CSTPP1: variants seen among roughly 807,000 people sequenced by gnomAD.
The protein encoded by CSTPP1 is centriolar satellite-associated tubulin polyglutamylase complex regulator 1.
the CSTPP1 span, among the ~76,000 whole-genome samples, chr11:47,129,180 G>A: frequency 6.6e-6 from 1 of 152,082 alleles, no homozygotes; most frequent in East Asian, 1.9e-4. Context: ...CGTTTCAAAG[G>A]GCCCACCCTG....
At chr11:47,137,529 T>C in the CSTPP1 span, 1 of 1,559,284 alleles carries the variant, frequency 6.4e-7, no homozygotes, top group Non-Finnish European at 8.7e-7. Context: ...CACACTGACT[T>C]GCTTTTAAAA....
At chr11:46,953,085 A>C in the CSTPP1 span, among the ~76,000 whole-genome samples, 1 of 152,152 alleles carries the variant, frequency 6.6e-6, no homozygotes. Flanking sequence ...AGATGGAGGA[A>C]GTGTTCAATG....
chr11:47,118,167 C>G, the CSTPP1 span, among the ~76,000 whole-genome samples: 2 of 151,994 alleles, frequency 1.3e-5, no homozygotes, highest in African/African-American at 4.8e-5. Flanking sequence ...TGTGAGCCAC[C>G]GCGCCTGGCC....
chr11:47,052,560 TTCC>T, the CSTPP1 span: 1 of 1,598,254 alleles, frequency 6.3e-7, no homozygotes, highest in Non-Finnish European at 8.6e-7. Context: ...CCTTCCTTCC[TTCC>T]TTTCTTCCTT....
chr11:47,163,604 C>T, the CSTPP1 span, among the ~76,000 whole-genome samples: 1 of 152,128 alleles, frequency 6.6e-6, no homozygotes, highest in African/African-American at 2.4e-5. Flanking sequence ...TTAAAGGGTC[C>T]CATTAACGTC....
chr11:47,013,031 T>A, the CSTPP1 span, among the ~76,000 whole-genome samples: 146 of 147,248 alleles, frequency 9.9e-4, 2 homozygotes, highest in African/African-American at 3.0e-3. Flanking sequence ...AATAACTATA[T>A]ATAATAATAT....
At chr11:47,122,016 A>G in the CSTPP1 span, among the ~76,000 whole-genome samples, 37 of 143,090 alleles carry the variant, frequency 2.6e-4, no homozygotes, top group Non-Finnish European at 1.2e-4. Flanking sequence ...GGGTGCAATA[A>G]GCTATGATCA....
chr11:47,012,147 C>T, the CSTPP1 span, among the ~76,000 whole-genome samples: 2 of 151,960 alleles, frequency 1.3e-5, no homozygotes, highest in South Asian at 2.1e-4. Flanking sequence ...GTGGCACACA[C>T]CTATAGTCCC....
chr11:47,016,013 AG>A, the CSTPP1 span, among the ~76,000 whole-genome samples: 1 of 152,186 alleles, frequency 6.6e-6, no homozygotes, highest in Non-Finnish European at 1.5e-5. Context: ...GCACTTTGGG[AG>A]GCTGAAGCAG....
chr11:47,094,447 G>A, the CSTPP1 span, among the ~76,000 whole-genome samples: 14 of 148,932 alleles, frequency 9.4e-5, no homozygotes, highest in African/African-American at 2.7e-4. Flanking sequence ...TTATTAAGAG[G>A]GTAGATCTCA....
At chr11:47,126,160 C>A in the CSTPP1 span, among the ~76,000 whole-genome samples, 2 of 152,072 alleles carry the variant, frequency 1.3e-5, no homozygotes, top group Non-Finnish European at 2.9e-5. Flanking sequence ...TGTCTCTTCT[C>A]TATTTTCTTA....
chr11:46,977,296 G>C, the CSTPP1 span, among the ~76,000 whole-genome samples: 5 of 152,184 alleles, frequency 3.3e-5, no homozygotes, highest in African/African-American at 7.2e-5. Flanking sequence ...GAATGGATGA[G>C]GGAGGCGCCA....
the CSTPP1 span, among the ~76,000 whole-genome samples, chr11:47,028,174 C>T: frequency 2.0e-5 from 3 of 152,170 alleles, no homozygotes; most frequent in South Asian, 2.1e-4. Flanking sequence ...CCGCCCGCCT[C>T]GGCCTCCCAA....
chr11:47,029,265 G>T, the CSTPP1 span, among the ~76,000 whole-genome samples: 2 of 152,072 alleles, frequency 1.3e-5, no homozygotes, highest in Non-Finnish European at 2.9e-5. Flanking sequence ...TTCCAACTCA[G>T]AATATATTTT....
the CSTPP1 span, among the ~76,000 whole-genome samples, chr11:47,069,680 A>ATTGTTG: frequency 1.3e-5 from 2 of 151,948 alleles, no homozygotes; most frequent in Non-Finnish European, 2.9e-5. Context: ...CAAGAGTTTT[A>ATTGTTG]TTGTTGTTGT....
At chr11:46,986,743 C>T in the CSTPP1 span, among the ~76,000 whole-genome samples, 4 of 152,214 alleles carry the variant, frequency 2.6e-5, no homozygotes, top group East Asian at 1.9e-4. Flanking sequence ...GCTGGGATTA[C>T]AGGCCTGAGC....
At chr11:47,142,452 C>T in the CSTPP1 span, among the ~76,000 whole-genome samples, 1 of 151,770 alleles carries the variant, frequency 6.6e-6, no homozygotes, top group African/African-American at 2.4e-5. Context: ...TATTTTGTGC[C>T]GGGAGCTATT....
the CSTPP1 span, among the ~76,000 whole-genome samples, chr11:47,071,753 C>T: frequency 1.3e-5 from 2 of 152,206 alleles, no homozygotes; most frequent in Non-Finnish European, 2.9e-5. Context: ...CCACTACAAA[C>T]TTTAAAAACT....
chr11:47,121,609 T>C, the CSTPP1 span, among the ~76,000 whole-genome samples: 1 of 152,190 alleles, frequency 6.6e-6, no homozygotes. Flanking sequence ...ATCTCTTTTT[T>C]ACAGACAAAG....
Sources: allele counts gnomAD v4.1 joint callset (sites outside exome capture counted in the v4.1 genomes callset), GRCh38; gene constraint gnomAD v4.1.1; transcripts MANE v1.5; gene names NCBI Gene and HGNC (gene_info 2026-07-23, HGNC 2026-07-21).